Variants in ZNF474 observed in about 807,000 individuals in gnomAD.
The protein encoded by ZNF474 is zinc finger protein 474, also known as 4933409D10Rik.
For missense variants in ZNF474, 511 were observed against 433.8 expected, an observed-to-expected ratio of 1.18 and a Z score of -1.58; for synonymous variants, 192 against 162.2, an observed-to-expected ratio of 1.18 and a Z score of -1.39.
chr5:122,150,683 C>T (rs1005630251), intron 1 of ZNF474, among the ~76,000 whole-genome samples: 1 of 152,146 alleles, frequency 6.6e-6, no homozygotes, highest in Admixed American at 6.5e-5. Flanking sequence ...AGATTATAAA[C>T]CCACGGTAAA....
chr5:122,151,814 C>A lies in ZNF474; in HGVS notation c.-177C>A. 1 of 706,306 alleles carries A rather than the reference C, an allele frequency of 1.4e-6. No individual in the cohort carries two copies. Among genetic ancestry groups the A allele is most frequent in the South Asian group, 2.0e-5 (1 of 48,966 alleles). The allele number at this position is 706,306 out of a possible 1,614,324, so 43.8% of individuals were successfully genotyped here. A position where few individuals can be genotyped will look rare whatever the true frequency, so the allele number is the denominator to read the frequency against. On this transcript the variant is annotated 5_prime_UTR_variant, in exon 2 of 2. Transcript: ENST00000296600. ...CATCTCAGCTTTAATGAGGACTTTC[C>A]AACATTCCAGACTGCCGTCCTGCAA...
At chr5:122,140,155 T>C (rs1304171469) in intron 1 of ZNF474, among the ~76,000 whole-genome samples, 1 of 152,232 alleles carries the variant, frequency 6.6e-6, no homozygotes, top group African/African-American at 2.4e-5. Flanking sequence ...CCAAAATTCA[T>C]GTTGAAATTT....
At chr5:122,149,051 C>A (rs768335392) in intron 1 of ZNF474, among the ~76,000 whole-genome samples, 1 of 152,080 alleles carries the variant, frequency 6.6e-6, no homozygotes, top group Non-Finnish European at 1.5e-5. Flanking sequence ...ATTCTTAATG[C>A]AGAAACAGAA....
intron 1 of ZNF474, among the ~76,000 whole-genome samples, chr5:122,140,594 T>A (rs1037574788): frequency 1.3e-5 from 2 of 151,936 alleles, no homozygotes; most frequent in African/African-American, 4.8e-5. Context: ...CAAAACAGAG[T>A]GAAATACACC....
chr5:122,152,205 C>T lies in ZNF474; in HGVS notation c.215C>T (p.Ser72Leu). Reference protein sequence around the residue: ...RPGTVILSKLSSRRIISESQL... With the variant: ...RPGTVILSKLLSRRIISESQL... Reference sequence around the variant, plus strand: ...GGGACTGTGATACTATCAAAACTGTCAAGTAGAAGAATTATATCGGAAAGC... The same window carrying T: ...GGGACTGTGATACTATCAAAACTGTTAAGTAGAAGAATTATATCGGAAAGC... Residue 72 changes from serine to leucine, a missense_variant, in exon 2 of 2, where the codon TCA (serine) becomes TTA (leucine). Ser to Leu is a moderately radical substitution (Grantham distance 145). Transcript: ENST00000296600. 6.2e-7 allele frequency: 1 copy of T among 1,614,158 alleles called. No homozygotes were observed.
chr5:122,135,067 C>G (rs1755668908), intron 1 of ZNF474, among the ~76,000 whole-genome samples: 2 of 152,158 alleles, frequency 1.3e-5, no homozygotes, highest in South Asian at 4.1e-4. Flanking sequence ...AGACAACCCA[C>G]AAATTGGAGA....
At chr5:122,145,732 G>A (rs916970374) in intron 1 of ZNF474, among the ~76,000 whole-genome samples, 2 of 152,162 alleles carry the variant, frequency 1.3e-5, no homozygotes, top group East Asian at 1.9e-4. Flanking sequence ...AGGATTAAAT[G>A]TTCAGATAAG....
At chr5:122,137,328 A>G (rs1580598816) in intron 1 of ZNF474, among the ~76,000 whole-genome samples, 1 of 151,664 alleles carries the variant, frequency 6.6e-6, no homozygotes, top group Non-Finnish European at 1.5e-5. Flanking sequence ...GGTGCCTGCA[A>G]TCTCAGCTAC....
At chr5:122,130,702 A>G (rs564936503) in intron 1 of ZNF474, among the ~76,000 whole-genome samples, 2 of 152,142 alleles carry the variant, frequency 1.3e-5, no homozygotes, top group South Asian at 2.1e-4. Flanking sequence ...TTCCAGCTTT[A>G]TTGAGGTATG....
intron 1 of ZNF474, among the ~76,000 whole-genome samples, chr5:122,142,779 A>G (rs1755881679): frequency 6.6e-6 from 1 of 152,128 alleles, no homozygotes; most frequent in South Asian, 2.1e-4. Context: ...GAAGGATGAG[A>G]GATGTGGGGA....
chr5:122,138,393 A>G (rs1487673413), intron 1 of ZNF474, among the ~76,000 whole-genome samples: 2 of 152,240 alleles, frequency 1.3e-5, no homozygotes, highest in Non-Finnish European at 2.9e-5. Flanking sequence ...AAAGGCAAAC[A>G]TCCTCATGAT....
chr5:122,136,329 A>G (rs1026337781), intron 1 of ZNF474, among the ~76,000 whole-genome samples: 1 of 152,218 alleles, frequency 6.6e-6, no homozygotes, highest in Non-Finnish European at 1.5e-5. Flanking sequence ...TTCCAAGGGA[A>G]ATTAAATTTT....
At chr5:122,150,643 A>C (rs1293932006) in intron 1 of ZNF474, among the ~76,000 whole-genome samples, 2 of 152,200 alleles carry the variant, frequency 1.3e-5, no homozygotes, top group East Asian at 1.9e-4. Flanking sequence ...AAAGGTCCTG[A>C]GGCTTCTGAA....
At position 122,153,316 on chromosome 5, in the gene ZNF474, G is replaced by A; in HGVS notation, c.*231G>A. The A allele has an allele frequency of 2.1e-6, 1 of 485,988 alleles. No individual in the cohort carries two copies. Among genetic ancestry groups the A allele is most frequent in the Non-Finnish European group, 3.6e-6 (1 of 274,094 alleles). 30.1% of individuals were successfully genotyped at this position (485,988 alleles called of 1,614,324 possible). On this transcript the variant is annotated 3_prime_UTR_variant, in exon 2 of 2. Coordinates refer to ENST00000296600, the MANE Select transcript of ZNF474 (RefSeq NM_207317.3). Reference sequence around the variant, plus strand: ...GAAGAGATGGACTTCTTTCTTCCCTGATCCCTGATACAAATAATCCCTGGG... The same window carrying A: ...GAAGAGATGGACTTCTTTCTTCCCTAATCCCTGATACAAATAATCCCTGGG...
intron 1 of ZNF474, among the ~76,000 whole-genome samples, chr5:122,151,544 A>G (rs1756171540): frequency 2.0e-5 from 3 of 152,138 alleles, no homozygotes; most frequent in Admixed American, 2.0e-4. Flanking sequence ...ACGATTTTCA[A>G]TACAGTGATA....
chr5:122,133,479 A>G (rs553886955), intron 1 of ZNF474, among the ~76,000 whole-genome samples: 5 of 152,338 alleles, frequency 3.3e-5, no homozygotes, highest in Admixed American at 1.3e-4. Context: ...TCTTGCTATC[A>G]CTTCCATAAA....
chr5:122,152,083 G>A lies in ZNF474; in HGVS notation c.93G>A (p.Gly31=). The A allele has an allele frequency of 6.2e-7, 1 of 1,614,140 alleles. No homozygotes were observed. The stretch of plus-strand genomic sequence containing the variant: ...CCACTTTCCTTATCAACCAAGCTGG[G>A]CTTCTCTCTAGTGACTCCTATTCTA... ...KEPTFLINQA[G]LLSSDSYSSL... The change falls in exon 2 of 2, where the codon GGG becomes GGA. Residue 31 remains glycine, a synonymous_variant. Transcript: ENST00000296600.
intron 1 of ZNF474, among the ~76,000 whole-genome samples, chr5:122,135,857 G>C (rs1254258666): frequency 6.6e-6 from 1 of 152,068 alleles, no homozygotes; most frequent in Non-Finnish European, 1.5e-5. Context: ...GATGGAACTA[G>C]AGGACATTAT....
At chr5:122,142,765 C>T (rs543385790) in intron 1 of ZNF474, among the ~76,000 whole-genome samples, 12 of 152,136 alleles carry the variant, frequency 7.9e-5, no homozygotes, top group Admixed American at 2.0e-4. Context: ...GACTTATTCA[C>T]ATAGAAGGAT....
Sources: allele counts gnomAD v4.1 joint callset (sites outside exome capture counted in the v4.1 genomes callset), GRCh38; gene constraint gnomAD v4.1.1; transcripts MANE v1.5; gene names NCBI Gene and HGNC (gene_info 2026-07-23, HGNC 2026-07-21).